Variants in TXNRD1 observed in about 807,000 individuals in gnomAD.
TXNRD1 encodes the protein thioredoxin reductase 1, also known as thioredoxin reductase 1, cytoplasmic.
TXNRD1 carries 57 observed loss-of-function variants against 80.3 expected under a neutral mutation model. That is an observed-to-expected ratio of 0.71 (90% CI 0.57 to 0.89). The LOEUF is 0.89. Ranked by LOEUF, TXNRD1 falls within the 40% of genes least tolerant of loss-of-function variation. The pLI, the probability that TXNRD1 is intolerant of heterozygous loss-of-function variation, is 0.00. For synonymous variants in TXNRD1, 291 were observed against 285.2 expected, an observed-to-expected ratio of 1.02 and a Z score of -0.20; for missense variants, 730 against 803.0, an observed-to-expected ratio of 0.91 and a Z score of 1.10.
chr12:104,303,740 T>G, intron 4 of TXNRD1: 1 of 920,264 alleles, frequency 1.1e-6, no homozygotes, highest in Non-Finnish European at 1.5e-6. Context: ...CTAGTGCGCA[T>G]GGGCGGGCGT....
intron 14 of TXNRD1, among the ~76,000 whole-genome samples, chr12:104,331,912 G>A (rs1189238675): frequency 6.6e-6 from 1 of 151,928 alleles, no homozygotes; most frequent in African/African-American, 2.4e-5. Flanking sequence ...CTATGAACGA[G>A]GGCATTTTCT....
chr12:104,325,762 T>C (rs1399684825), intron 11 of TXNRD1, among the ~76,000 whole-genome samples: 1 of 151,924 alleles, frequency 6.6e-6, no homozygotes, highest in Non-Finnish European at 1.5e-5. Flanking sequence ...GTCCCAGCTA[T>C]TCGGGACGTT....
chr12:104,262,213 C>T (rs1446913784), intron 3 of TXNRD1: 1 of 85,028 alleles, frequency 1.2e-5, no homozygotes, highest in Non-Finnish European at 2.1e-5. Flanking sequence ...GCCTGGGCAA[C>T]AAGAGCAAGA....
At chr12:104,271,565 A>G (rs1020956485) in intron 3 of TXNRD1, among the ~76,000 whole-genome samples, 1 of 152,162 alleles carries the variant, frequency 6.6e-6, no homozygotes, top group Non-Finnish European at 1.5e-5. Flanking sequence ...CACAAAGTAC[A>G]TTCTCAAGGG....
At chr12:104,240,124 C>T (rs940119133) in intron 1 of TXNRD1, among the ~76,000 whole-genome samples, 2 of 152,136 alleles carry the variant, frequency 1.3e-5, no homozygotes, top group Non-Finnish European at 2.9e-5. Flanking sequence ...AATGGCCCCT[C>T]CCCTTGTATT....
At position 104,350,000 on chromosome 12, in the gene TXNRD1, A is replaced by AAT. The variant is rs2036597408; in HGVS notation, c.*1579_*1580insAT. ...CAGTTGACCATATTCAGTTTTATTT[A>AAT]TTTATTTTTAATTTGTTTTTTTCTC... On this transcript the variant is annotated 3_prime_UTR_variant, in exon 17 of 17. Transcript: ENST00000525566. 6.6e-6 allele frequency: 1 copy of AAT among 152,172 alleles called. No homozygotes were observed. 9.4% of individuals were successfully genotyped at this position (152,172 alleles called of 1,614,324 possible).
At chr12:104,311,456 A>G (rs2035130464) in intron 5 of TXNRD1, 44 bp downstream of exon 5, 1 of 1,591,312 alleles carries the variant, frequency 6.3e-7, no homozygotes, top group Admixed American at 1.8e-5. Context: ...CTGGGTGGTG[A>G]TTAGAATATT....
chr12:104,258,814 T>C (rs1451648426), intron 3 of TXNRD1, among the ~76,000 whole-genome samples: 1 of 152,150 alleles, frequency 6.6e-6, no homozygotes, highest in East Asian at 1.9e-4. Context: ...CCCATAGTTC[T>C]AGCTACTCAG....
At chr12:104,221,686 C>G (rs1188679886) in intron 1 of TXNRD1, among the ~76,000 whole-genome samples, 1 of 152,066 alleles carries the variant, frequency 6.6e-6, no homozygotes, top group Non-Finnish European at 1.5e-5. Context: ...CCAACTTTGA[C>G]AAATATAGAA....
At chr12:104,317,968 C>T (rs1449513770) in intron 7 of TXNRD1, among the ~76,000 whole-genome samples, 1 of 152,166 alleles carries the variant, frequency 6.6e-6, no homozygotes, top group East Asian at 1.9e-4. Flanking sequence ...GGCAAAACTG[C>T]GTCTCTACTA....
At chr12:104,243,503 G>C (rs1431620286) in intron 1 of TXNRD1, among the ~76,000 whole-genome samples, 4 of 152,136 alleles carry the variant, frequency 2.6e-5, no homozygotes, top group African/African-American at 9.7e-5. Flanking sequence ...GTGTCTTGTG[G>C]GTTGAATATA....
intron 3 of TXNRD1, among the ~76,000 whole-genome samples, chr12:104,263,556 T>A (rs772814261): frequency 5.9e-5 from 9 of 152,196 alleles, no homozygotes; most frequent in Non-Finnish European, 1.3e-4. Context: ...GGCCTGTTGA[T>A]TTACAAAGAC....
chr12:104,287,484 G>A, intron 3 of TXNRD1: 2 of 1,608,118 alleles, frequency 1.2e-6, no homozygotes, highest in Non-Finnish European at 1.7e-6. Flanking sequence ...ATGACAATGT[G>A]TTGAGTGGAC....
intron 10 of TXNRD1, 36 bp downstream of exon 10, chr12:104,321,352 A>G (rs373885389): frequency 6.4e-7 from 1 of 1,566,878 alleles, no homozygotes; most frequent in Non-Finnish European, 8.8e-7. Context: ...TTGATTCTAC[A>G]TTCACAGTAA....
intron 16 of TXNRD1, chr12:104,346,111 C>T: frequency 1.4e-6 from 1 of 701,018 alleles, no homozygotes; most frequent in Non-Finnish European, 2.2e-6. Flanking sequence ...CTTTCAAGCT[C>T]AAGCGATGTT....
At chr12:104,346,189 A>G (rs2036485652) in intron 16 of TXNRD1, 1 of 301,240 alleles carries the variant, frequency 3.3e-6, no homozygotes, top group African/African-American at 2.2e-5. Context: ...ATATATATAT[A>G]TATATTTGAG....
At chr12:104,243,589 G>A (rs1231941970) in intron 1 of TXNRD1, among the ~76,000 whole-genome samples, 1 of 152,170 alleles carries the variant, frequency 6.6e-6, no homozygotes, top group Admixed American at 6.5e-5. Flanking sequence ...CCTTGAGCTT[G>A]AACTGAATGA....
chr12:104,248,578 C>T (rs986067625), intron 1 of TXNRD1, among the ~76,000 whole-genome samples: 4 of 152,300 alleles, frequency 2.6e-5, no homozygotes, highest in East Asian at 1.9e-4. Flanking sequence ...GTGAGCCACG[C>T]GCCTGGCCAC....
At chr12:104,228,864 C>T (rs1326759343) in intron 1 of TXNRD1, among the ~76,000 whole-genome samples, 3 of 151,692 alleles carry the variant, frequency 2.0e-5, no homozygotes, top group Non-Finnish European at 2.9e-5. Context: ...GGACTACAGG[C>T]GCCCGCCACC....
Sources: allele counts gnomAD v4.1 joint callset (sites outside exome capture counted in the v4.1 genomes callset), GRCh38; gene constraint gnomAD v4.1.1; transcripts MANE v1.5; gene names NCBI Gene and HGNC (gene_info 2026-07-23, HGNC 2026-07-21).